LRP1B: variants seen among roughly 807,000 people sequenced by gnomAD.
LRP1B encodes LDL receptor related protein 1B.
A neutral mutation model predicts 556.6 loss-of-function variants in LRP1B; 217 were observed. The ratio of observed to expected loss-of-function variants is 0.39; its 90% confidence interval spans 0.35 to 0.44. The LOEUF is 0.44. LRP1B is among the 20% of genes least tolerant of loss of function. The probability of loss-of-function intolerance (pLI) is 1.00; values close to 1 mark genes in which losing one functional copy is unlikely to be tolerated. For synonymous variants in LRP1B, 2,047 were observed against 1,865.8 expected (o/e 1.10, Z -2.50); for missense variants, 5,053 against 5,620.8 (o/e 0.90, Z 3.23).
At chr2:140,566,290 C>T (rs1169383230) in intron 43 of LRP1B, among the ~76,000 whole-genome samples, 8 of 152,186 alleles carry the variant, frequency 5.3e-5, no homozygotes. Flanking sequence ...GAAGGCTGAG[C>T]TGAAGCTCTT....
intron 18 of LRP1B, among the ~76,000 whole-genome samples, chr2:140,974,694 C>T (rs1194195550): frequency 6.6e-6 from 1 of 152,190 alleles, no homozygotes; most frequent in African/African-American, 2.4e-5. Context: ...TTTCTTTCGC[C>T]ATGGCCCTGG....
At chr2:140,850,000 C>G in intron 29 of LRP1B, 102 bp downstream of exon 29, 1 of 733,368 alleles carries the variant, frequency 1.4e-6, no homozygotes, top group South Asian at 1.9e-5. Flanking sequence ...TTTCAATTAA[C>G]AGCATAAAGT....
intron 6 of LRP1B, among the ~76,000 whole-genome samples, chr2:141,219,963 A>G (rs1682968616): frequency 6.6e-6 from 1 of 152,174 alleles, no homozygotes. Context: ...AAAACCCACC[A>G]AGATGAGAAA....
intron 1 of LRP1B, among the ~76,000 whole-genome samples, chr2:141,915,350 AC>A (rs1022762268): frequency 1.0e-3 from 153 of 152,312 alleles, no homozygotes; most frequent in South Asian, 6.0e-3. Flanking sequence ...CATACAAAAC[AC>A]ACCATACAAA....
intron 18 of LRP1B, among the ~76,000 whole-genome samples, chr2:140,959,958 G>A (rs1443222020): frequency 6.6e-6 from 1 of 151,668 alleles, no homozygotes; most frequent in African/African-American, 2.4e-5. Flanking sequence ...TGAAGTAGTA[G>A]TGAGGTTGCC....
intron 1 of LRP1B, among the ~76,000 whole-genome samples, chr2:141,911,515 G>GA (rs1277377694): frequency 1.3e-5 from 2 of 152,038 alleles, no homozygotes; most frequent in African/African-American, 2.4e-5. Flanking sequence ...ATCCATTTTT[G>GA]AAAAAATATA....
At chr2:141,264,856 T>C (rs1299733037) in intron 3 of LRP1B, among the ~76,000 whole-genome samples, 1 of 152,214 alleles carries the variant, frequency 6.6e-6, no homozygotes, top group Non-Finnish European at 1.5e-5. Context: ...ACTAACTACG[T>C]GGCTGTGCCT....
chr2:140,267,998 A>G (rs1184003472), intron 86 of LRP1B, among the ~76,000 whole-genome samples: 3 of 151,916 alleles, frequency 2.0e-5, no homozygotes, highest in Admixed American at 2.0e-4. Context: ...TTCTGGTAAT[A>G]CAGGTACATT....
chr2:141,492,091 A>C (rs72991007), intron 2 of LRP1B, among the ~76,000 whole-genome samples: 9 of 100,182 alleles, frequency 9.0e-5, no homozygotes, highest in African/African-American at 1.2e-4. Context: ...AAAAAAAAAA[A>C]CACTAAGAAA....
chr2:141,474,064 C>T (rs1031197315), intron 3 of LRP1B, among the ~76,000 whole-genome samples: 3,818 of 147,170 alleles, frequency 0.026, 312 homozygotes, highest in African/African-American at 0.091. Context: ...TTCCTCCCTC[C>T]CTCCCTTCCT....
chr2:140,251,954 A>G (rs1681437332), intron 86 of LRP1B, among the ~76,000 whole-genome samples: 1 of 150,684 alleles, frequency 6.6e-6, no homozygotes, highest in South Asian at 2.1e-4. Context: ...GGTGGTGAGC[A>G]TATAAAACTA....
At chr2:141,714,873 G>A (rs1244784394) in intron 2 of LRP1B, among the ~76,000 whole-genome samples, 2 of 152,122 alleles carry the variant, frequency 1.3e-5, no homozygotes, top group Non-Finnish European at 2.9e-5. Flanking sequence ...CATGGAGAGG[G>A]CTGATAAGTT....
chr2:141,762,218 C>A (rs2105596457), intron 2 of LRP1B, among the ~76,000 whole-genome samples: 1 of 151,720 alleles, frequency 6.6e-6, no homozygotes, highest in African/African-American at 2.4e-5. Context: ...CTTTCAATTC[C>A]AATAAATTGG....
chr2:141,273,206 G>A (rs994207062), intron 3 of LRP1B, among the ~76,000 whole-genome samples: 1 of 152,024 alleles, frequency 6.6e-6, no homozygotes, highest in East Asian at 1.9e-4. Context: ...CTACTTGGGA[G>A]GCTGAGGCAA....
At chr2:140,501,214 T>C (rs1199157772) in intron 55 of LRP1B, among the ~76,000 whole-genome samples, 1 of 152,018 alleles carries the variant, frequency 6.6e-6, no homozygotes, top group Non-Finnish European at 1.5e-5. Context: ...GTCCTAATAA[T>C]TCATAGTTTA....
intron 1 of LRP1B, among the ~76,000 whole-genome samples, chr2:141,908,327 TTCTGTCTTTG>T (rs1411106121): frequency 6.6e-6 from 1 of 152,084 alleles, no homozygotes; most frequent in Non-Finnish European, 1.5e-5. Flanking sequence ...GTTTACATAT[TTCTGTCTTTG>T]TTAAATAATT....
At chr2:140,849,381 A>T (rs1021730939) in intron 29 of LRP1B, among the ~76,000 whole-genome samples, 1 of 72,632 alleles carries the variant, frequency 1.4e-5, no homozygotes, top group Admixed American at 1.3e-4. Flanking sequence ...CAAAAAAAAA[A>T]CAAAAAACAA....
chr2:140,795,003 T>C lies in LRP1B; in HGVS notation c.5359+18654A>G, dbSNP rs191603526. On this transcript the variant is annotated intron_variant, in intron 32 of 90. Coordinates refer to ENST00000389484, the MANE Select transcript of LRP1B (RefSeq NM_018557.3). Reference sequence around the variant, plus strand: ...TAGTTTTCAATTTTTAAAAGTCTTATATATTTCTCAATTAAAGACAATACT... The same window carrying C: ...TAGTTTTCAATTTTTAAAAGTCTTACATATTTCTCAATTAAAGACAATACT... 4.2e-3 allele frequency among the ~76,000 whole-genome samples: 647 copies of C among 152,342 alleles called. 3 individuals are homozygous for C. The highest frequency in any genetic ancestry group is 7.3e-3 in the Non-Finnish European group (494 of 68,028).
At chr2:140,568,397 TC>T (rs1293000876) in intron 43 of LRP1B, among the ~76,000 whole-genome samples, 1 of 151,900 alleles carries the variant, frequency 6.6e-6, no homozygotes, top group African/African-American at 2.4e-5. Context: ...ATAAAGAATT[TC>T]TTAATCTGAA....
Sources: allele counts gnomAD v4.1 joint callset (sites outside exome capture counted in the v4.1 genomes callset), GRCh38; gene constraint gnomAD v4.1.1; transcripts MANE v1.5; gene names NCBI Gene and HGNC (gene_info 2026-07-23, HGNC 2026-07-21).